Variants in TMEM132B observed in about 807,000 individuals in gnomAD.
TMEM132B encodes transmembrane protein 132B.
A neutral mutation model predicts 90.8 loss-of-function variants in TMEM132B; 18 were observed. The ratio of observed to expected loss-of-function variants is 0.20; its 90% CI spans 0.14 to 0.29. The LOEUF (loss-of-function observed/expected upper bound fraction) is 0.29. TMEM132B is among the 10% of genes least tolerant of loss of function. The pLI, the probability that TMEM132B is intolerant of heterozygous loss-of-function variation, is 1.00. For missense variants in TMEM132B, 1,096 were observed against 1,326.8 expected, an observed-to-expected ratio of 0.83 and a Z score of 2.70; for synonymous variants, 504 against 523.3, an observed-to-expected ratio of 0.96 and a Z score of 0.50.
chr12:125,565,361 G>A (rs1884635698), intron 4 of TMEM132B, among the ~76,000 whole-genome samples: 1 of 152,218 alleles, frequency 6.6e-6, no homozygotes, highest in Admixed American at 6.5e-5. Context: ...AAGTGCCTCT[G>A]GGCTCCGGCC....
intron 4 of TMEM132B, among the ~76,000 whole-genome samples, chr12:125,525,833 C>T (rs1883438897): frequency 6.6e-6 from 1 of 152,182 alleles, no homozygotes; most frequent in Non-Finnish European, 1.5e-5. Flanking sequence ...TAAGGTTGGA[C>T]CCCTCCACAG....
intron 2 of TMEM132B, among the ~76,000 whole-genome samples, chr12:125,412,263 A>G (rs1879869888): frequency 6.6e-6 from 1 of 152,222 alleles, no homozygotes; most frequent in Non-Finnish European, 1.5e-5. Context: ...TCAGAATAAA[A>G]GAAGGAACAA....
chr12:125,548,949 C>G (rs998902481), intron 4 of TMEM132B, among the ~76,000 whole-genome samples: 3 of 152,036 alleles, frequency 2.0e-5, no homozygotes, highest in Admixed American at 2.0e-4. Context: ...CCTGTGTTAC[C>G]CTGTGAGAAA....
At chr12:125,519,187 G>T (rs1343935923) in intron 3 of TMEM132B, among the ~76,000 whole-genome samples, 1 of 152,190 alleles carries the variant, frequency 6.6e-6, no homozygotes, top group Non-Finnish European at 1.5e-5. Context: ...TGCTGACCGA[G>T]TTACTCATCC....
intron 4 of TMEM132B, among the ~76,000 whole-genome samples, chr12:125,559,067 A>G (rs561339384): frequency 6.6e-6 from 1 of 152,234 alleles, no homozygotes; most frequent in Non-Finnish European, 1.5e-5. Context: ...TGAGAAAATC[A>G]GTTCCTTATG....
chr12:125,452,087 T>C (rs1593154054), intron 3 of TMEM132B, among the ~76,000 whole-genome samples: 1 of 152,364 alleles, frequency 6.6e-6, no homozygotes, highest in African/African-American at 2.4e-5. Context: ...GACCCCCGTC[T>C]GGTATTAGCA....
At chr12:125,391,648 G>A (rs763566516) in intron 2 of TMEM132B, among the ~76,000 whole-genome samples, 17 of 152,168 alleles carry the variant, frequency 1.1e-4, no homozygotes, top group Middle Eastern at 6.8e-3. Flanking sequence ...TTCTGCTTGC[G>A]TTCTGCTCCC....
chr12:125,421,354 A>C (rs2136376530), intron 3 of TMEM132B, among the ~76,000 whole-genome samples: 1 of 152,366 alleles, frequency 6.6e-6, no homozygotes, highest in African/African-American at 2.4e-5. Flanking sequence ...GGGAGACCTC[A>C]CAATCATGGC....
At chr12:125,198,851 G>A (rs1872986364) in intron 1 of TMEM132B, among the ~76,000 whole-genome samples, 1 of 152,180 alleles carries the variant, frequency 6.6e-6, no homozygotes, top group African/African-American at 2.4e-5. Flanking sequence ...TCCTGCCCCT[G>A]GAGGCTGCCC....
chr12:125,429,874 C>A (rs543075755), intron 3 of TMEM132B, among the ~76,000 whole-genome samples: 1 of 152,310 alleles, frequency 6.6e-6, no homozygotes, highest in East Asian at 1.9e-4. Flanking sequence ...CTGCTTCCCC[C>A]CTTTCCACAC....
chr12:125,466,249 C>T (rs1881560178), intron 3 of TMEM132B, among the ~76,000 whole-genome samples: 1 of 152,172 alleles, frequency 6.6e-6, no homozygotes, highest in Admixed American at 6.5e-5. Context: ...TGTTTTTTCC[C>T]ATTCCTTGTC....
chr12:125,591,200 A>G (rs1365229891), intron 5 of TMEM132B, among the ~76,000 whole-genome samples: 3 of 152,186 alleles, frequency 2.0e-5, no homozygotes, highest in Admixed American at 6.5e-5. Context: ...ATCACCTGGA[A>G]CAACATGTAT....
At position 125,432,528 on chromosome 12, in the gene TMEM132B, T is replaced by TATATATAGAGAG. The variant is rs1458075923; in HGVS notation, c.1106+16852_1106+16853insTATATAGAGAGA. On this transcript the variant is annotated intron_variant, in intron 3 of 8. Transcript: ENST00000682704. ...GTGTGTGTGTATATATATATATATA[T>TATATATAGAGAG]AGAGAGAGAGAGAGAGAGAGAGAGA... 7.4e-4 allele frequency among the ~76,000 whole-genome samples: 29 copies of TATATATAGAGAG among 39,124 alleles called. 9 individuals carry two copies. Among genetic ancestry groups the TATATATAGAGAG allele is most frequent in the South Asian group, 1.9e-3 (2 of 1,078 alleles). 25.7% of individuals were successfully genotyped at this position (39,124 alleles called of 152,430 possible).
chr12:125,423,253 A>G (rs556323263), intron 3 of TMEM132B, among the ~76,000 whole-genome samples: 2 of 152,360 alleles, frequency 1.3e-5, no homozygotes, highest in African/African-American at 4.8e-5. Context: ...GATTTGAGAT[A>G]CACAATTCTT....
chr12:125,394,507 G>C (rs1485896998), intron 2 of TMEM132B, among the ~76,000 whole-genome samples: 5 of 152,170 alleles, frequency 3.3e-5, no homozygotes, highest in Non-Finnish European at 7.3e-5. Context: ...TGGGCGACAG[G>C]GTTGATCTGT....
intron 1 of TMEM132B, among the ~76,000 whole-genome samples, chr12:125,293,769 C>T (rs968345801): frequency 1.3e-5 from 2 of 152,166 alleles, no homozygotes; most frequent in African/African-American, 4.8e-5. Context: ...TTTTAAAAAC[C>T]TGTCACAAAG....
Position 125,409,601 on chromosome 12 carries a change from AGT to A in TMEM132B, c.960-5928_960-5927del, listed in dbSNP as rs1221624396. 5.1e-5 allele frequency among the ~76,000 whole-genome samples: 4 copies of A among 78,862 alleles called. 1 individual carries two copies. The highest frequency in any genetic ancestry group is 2.7e-4 in the African/African-American group (3 of 11,298). The allele number at this position is 78,862 out of a possible 152,430, so 51.7% of individuals were successfully genotyped here. A position where few individuals can be genotyped will look rare whatever the true frequency, so the allele number is the denominator to read the frequency against. ...GGAGTGGAGTGGAGTGGAGTGGAGG[AGT>A]GGAGTGGAGTGGAGTGGAGGAGTGG... On this transcript the variant is annotated intron_variant, in intron 2 of 8. Transcript: ENST00000682704.
intron 4 of TMEM132B, among the ~76,000 whole-genome samples, chr12:125,561,842 T>A (rs1299310845): frequency 6.6e-6 from 1 of 152,186 alleles, no homozygotes; most frequent in Non-Finnish European, 1.5e-5. Flanking sequence ...TTTAGCATTA[T>A]TCTTAAGGGC....
intron 3 of TMEM132B, among the ~76,000 whole-genome samples, chr12:125,441,664 A>G (rs1224069263): frequency 6.6e-6 from 1 of 152,232 alleles, no homozygotes; most frequent in Non-Finnish European, 1.5e-5. Context: ...AGTGACTCAG[A>G]TCCAGGGGAA....
Sources: gnomAD v4.1 joint callset for allele counts (sites outside exome capture counted in the v4.1 genomes callset) on GRCh38, gnomAD v4.1.1 for gene constraint, MANE v1.5 for transcripts, NCBI Gene and HGNC (gene_info 2026-07-23, HGNC 2026-07-21) for gene names.